The following THSD7A variants were observed in gnomAD, a reference collection of about 807,000 sequenced individuals.
THSD7A encodes thrombospondin type 1 domain containing 7A.
Under a neutral mutation model 231.3 loss-of-function variants are expected in THSD7A, and 96 were observed. That is an observed-to-expected ratio of 0.41 (90% CI 0.35 to 0.49). The LOEUF (loss-of-function observed/expected upper bound fraction) is 0.49, where lower values mean the gene tolerates loss of function less well. Among genes scored for constraint, THSD7A ranks in the 20% least tolerant of loss-of-function variants. The pLI is 0.05. For missense variants in THSD7A, 2,290 were observed against 2,070.2 expected (o/e 1.11, Z -2.06); for synonymous variants, 940 against 743.3 (o/e 1.26, Z -4.30).
intron 4 of THSD7A, among the ~76,000 whole-genome samples, chr7:11,585,323 C>T (rs1375787079): frequency 6.6e-6 from 1 of 152,130 alleles, no homozygotes; most frequent in East Asian, 1.9e-4. Flanking sequence ...AAAAGCTGTT[C>T]TCTCCCACAA....
intron 2 of THSD7A, among the ~76,000 whole-genome samples, chr7:11,618,654 G>A (rs887264250): frequency 6.6e-6 from 1 of 151,956 alleles, no homozygotes; most frequent in East Asian, 1.9e-4. Context: ...AAAAAAATTA[G>A]CCGGGCGCCT....
At chr7:11,737,417 T>C (rs1222510315) in intron 1 of THSD7A, among the ~76,000 whole-genome samples, 2 of 151,830 alleles carry the variant, frequency 1.3e-5, no homozygotes, top group Non-Finnish European at 2.9e-5. Flanking sequence ...ATGGATGGAG[T>C]AAGGAAGAAG....
intron 1 of THSD7A, among the ~76,000 whole-genome samples, chr7:11,808,948 A>T (rs1261396842): frequency 6.6e-6 from 1 of 152,182 alleles, no homozygotes; most frequent in African/African-American, 2.4e-5. Flanking sequence ...TAGTAGAAAT[A>T]CATACCATTA....
intron 1 of THSD7A, among the ~76,000 whole-genome samples, chr7:11,699,406 TAC>T (rs1259558400): frequency 6.6e-6 from 1 of 151,290 alleles, no homozygotes; most frequent in East Asian, 2.0e-4. Flanking sequence ...TAGTAAAAAG[TAC>T]TAATTTAAGC....
chr7:11,511,460 C>T (rs550986182), intron 6 of THSD7A, among the ~76,000 whole-genome samples: 1 of 152,240 alleles, frequency 6.6e-6, no homozygotes, highest in South Asian at 2.1e-4. Context: ...AACCAAAAAA[C>T]AGCCCGCATT....
At chr7:11,810,302 C>A (rs117589418) in intron 1 of THSD7A, among the ~76,000 whole-genome samples, 2,209 of 152,268 alleles carry the variant, frequency 0.015, 19 homozygotes, top group Admixed American at 0.028. Context: ...TCTCACCTCT[C>A]AGAGTTTTGC....
At chr7:11,389,930 G>A (rs1199582520) in intron 23 of THSD7A, among the ~76,000 whole-genome samples, 1 of 152,122 alleles carries the variant, frequency 6.6e-6, no homozygotes, top group Non-Finnish European at 1.5e-5. Flanking sequence ...TAAGAATGTC[G>A]AATATGGGCC....
chr7:11,440,058 T>C (rs1784755245), intron 13 of THSD7A, among the ~76,000 whole-genome samples: 1 of 151,994 alleles, frequency 6.6e-6, no homozygotes, highest in East Asian at 1.9e-4. Flanking sequence ...TGACTTTAAG[T>C]TGAAGCCAAT....
rs796548863 is a variant in THSD7A at position 11,708,202 on chromosome 7, A to G, written c.191-71241T>C. Reference sequence around the variant, plus strand: ...GTAGAGAGAAGGTTTATATTTTAATAATGTTAAACTTTTATAATTATTCCT... The same window carrying G: ...GTAGAGAGAAGGTTTATATTTTAATGATGTTAAACTTTTATAATTATTCCT... On this transcript the variant is annotated intron_variant, in intron 1 of 27. Coordinates refer to ENST00000423059, the MANE Select transcript of THSD7A (RefSeq NM_015204.3). Among the ~76,000 whole-genome samples, 42 of 150,950 alleles carry G rather than the reference A, an allele frequency of 2.8e-4. No individual in the cohort carries two copies. In the Middle Eastern group the frequency reaches 0.02, roughly 73 times the overall value.
intron 6 of THSD7A, among the ~76,000 whole-genome samples, chr7:11,486,728 C>T (rs1014157768): frequency 1.3e-5 from 2 of 152,214 alleles, no homozygotes; most frequent in South Asian, 2.1e-4. Context: ...TCTTTTTTGG[C>T]ATACATTTAC....
chr7:11,649,605 C>A (rs1441753536), intron 1 of THSD7A, among the ~76,000 whole-genome samples: 1 of 151,932 alleles, frequency 6.6e-6, no homozygotes, highest in East Asian at 1.9e-4. Context: ...TGAGAGGCTG[C>A]TTGAAGCAGA....
chr7:11,655,659 T>C (rs1782675458), intron 1 of THSD7A, among the ~76,000 whole-genome samples: 1 of 151,860 alleles, frequency 6.6e-6, no homozygotes, highest in Non-Finnish European at 1.5e-5. Flanking sequence ...AGTAAATACA[T>C]AAAATACCTG....
intron 23 of THSD7A, among the ~76,000 whole-genome samples, chr7:11,396,666 A>G (rs1783199557): frequency 6.6e-6 from 1 of 152,248 alleles, no homozygotes; most frequent in Non-Finnish European, 1.5e-5. Context: ...AAAGCCCAGG[A>G]ACAGACAGAT....
intron 1 of THSD7A, among the ~76,000 whole-genome samples, chr7:11,653,540 T>A (rs377428427): frequency 6.7e-6 from 1 of 148,770 alleles, no homozygotes; most frequent in African/African-American, 2.5e-5. Flanking sequence ...CAGGCTGTAG[T>A]GCAGTGAGTA....
At chr7:11,392,412 T>C (rs1307402199) in intron 23 of THSD7A, among the ~76,000 whole-genome samples, 2 of 152,144 alleles carry the variant, frequency 1.3e-5, no homozygotes, top group Non-Finnish European at 2.9e-5. Flanking sequence ...CTCGGGTGCC[T>C]ACACCACCAG....
intron 1 of THSD7A, among the ~76,000 whole-genome samples, chr7:11,695,166 A>G (rs1780349542): frequency 6.6e-6 from 1 of 151,572 alleles, no homozygotes; most frequent in South Asian, 2.1e-4. Context: ...TAGATCTTTC[A>G]TCACAGAATT....
chr7:11,568,315 C>CACTG (rs140736563), intron 4 of THSD7A, among the ~76,000 whole-genome samples: 5,783 of 152,146 alleles, frequency 0.038, 385 homozygotes, highest in African/African-American at 0.13. Flanking sequence ...TCTGTAGTGT[C>CACTG]ACTGAGTATT....
intron 6 of THSD7A, among the ~76,000 whole-genome samples, chr7:11,499,349 C>A (rs1371544986): frequency 6.6e-6 from 1 of 151,942 alleles, no homozygotes; most frequent in African/African-American, 2.4e-5. Context: ...ATGACTTGAC[C>A]ACAACCACTA....
chr7:11,762,250 T>C (rs1021216591), intron 1 of THSD7A, among the ~76,000 whole-genome samples: 2 of 152,142 alleles, frequency 1.3e-5, no homozygotes, highest in African/African-American at 4.8e-5. Flanking sequence ...TTTGGGCAGG[T>C]ATCCATTAGT....
Sources: gnomAD v4.1 joint callset for allele counts (sites outside exome capture counted in the v4.1 genomes callset) on GRCh38, gnomAD v4.1.1 for gene constraint, MANE v1.5 for transcripts, NCBI Gene and HGNC (gene_info 2026-07-23, HGNC 2026-07-21) for gene names.